Variants in TP53BP1 observed in about 807,000 individuals in gnomAD.
The protein encoded by TP53BP1 is tumor protein p53 binding protein 1.
A neutral mutation model predicts 200.8 loss-of-function variants in TP53BP1; 61 were observed. The ratio of observed to expected loss-of-function variants is 0.30; its 90% CI spans 0.25 to 0.38. The LOEUF is 0.38. Among genes scored for constraint, TP53BP1 ranks in the 10% least tolerant of loss-of-function variants. The pLI is 1.00. For synonymous variants in TP53BP1, 822 were observed against 844.3 expected (o/e 0.97, Z 0.46); for missense variants, 2,144 against 2,371.9 (o/e 0.90, Z 2.00).
chr15:43,445,393 C>T (rs549915431), intron 14 of TP53BP1, among the ~76,000 whole-genome samples: 10 of 152,290 alleles, frequency 6.6e-5, no homozygotes, highest in African/African-American at 1.9e-4. Context: ...CATATACCCT[C>T]CTAGTTCTCC....
chr15:43,468,374 G>A (rs181466546), intron 11 of TP53BP1, among the ~76,000 whole-genome samples: 113 of 152,070 alleles, frequency 7.4e-4, no homozygotes, highest in African/African-American at 2.5e-3. Flanking sequence ...GTGATACCCC[G>A]TCTCTATAAG....
Position 43,409,746 on chromosome 15 carries a change from A to G in TP53BP1, c.5306-5T>C. 1.4e-6 allele frequency: 2 copies of G among 1,432,630 alleles called. No homozygotes were observed. Among genetic ancestry groups the G allele is most frequent in the East Asian group, 2.4e-5 (1 of 41,432 alleles). The allele number at this position is 1,432,630 out of a possible 1,614,324, so 88.7% of individuals were successfully genotyped here. A position where few individuals can be genotyped will look rare whatever the true frequency, so the allele number is the denominator to read the frequency against. ...AAGGAGGAATTTCCAAAAATTCTATATTAAAAAAAAAAACCAAGATAATAA... is the reference window on the plus strand; with the variant it reads ...AAGGAGGAATTTCCAAAAATTCTATGTTAAAAAAAAAAACCAAGATAATAA... On this transcript the variant is annotated splice_polypyrimidine_tract_variant and splice_region_variant and intron_variant, in intron 24 of 27. Coordinates refer to ENST00000382044, the MANE Select transcript of TP53BP1 (RefSeq NM_001141980.3).
chr15:43,455,987 AT>A lies in TP53BP1; in HGVS notation c.2620del (p.Met874TrpfsTer7). 1 of 1,614,106 alleles carries A rather than the reference AT, an allele frequency of 6.2e-7. No homozygotes were observed. Among genetic ancestry groups the A allele is most frequent in the Non-Finnish European group, 8.5e-7 (1 of 1,180,012 alleles). On this transcript the variant is annotated frameshift_variant, in exon 12 of 28. Coordinates refer to ENST00000382044, the MANE Select transcript of TP53BP1 (RefSeq NM_001141980.3). LOFTEE classifies it high-confidence loss of function. ...TGAGCTTAGCTGCTTTGCATTAGCC[AT>A]TTTTGAGTCTTCTGTTAATGAATTA... Reference protein sequence around the residue: ...TSNSLTEDSKMANAKQLSSDA... With the variant: ...TSNSLTEDSKXANAKQLSSDA...
intron 23 of TP53BP1, 48 bp downstream of exon 23, chr15:43,415,546 C>T: frequency 6.3e-7 from 1 of 1,590,388 alleles, no homozygotes; most frequent in Non-Finnish European, 8.6e-7. Context: ...GCTGACCCTG[C>T]ATTCTGCCAT....
intron 4 of TP53BP1, among the ~76,000 whole-genome samples, chr15:43,485,165 A>T (rs1398486188): frequency 6.6e-6 from 1 of 152,094 alleles, no homozygotes; most frequent in South Asian, 2.1e-4. Flanking sequence ...CTTATTTATC[A>T]TATATTGCTA....
intron 4 of TP53BP1, among the ~76,000 whole-genome samples, chr15:43,484,090 G>A (rs1401191475): frequency 2.6e-5 from 4 of 152,150 alleles, no homozygotes; most frequent in Admixed American, 2.6e-4. Flanking sequence ...TGTTTCATAT[G>A]TTTAAAACTG....
Position 43,404,357 on chromosome 15 carries a change from C to T in TP53BP1, c.*3026G>A. The T allele has an allele frequency of 6.2e-7, 1 of 1,607,698 alleles. No homozygotes were observed. Among genetic ancestry groups the T allele is most frequent in the Non-Finnish European group, 8.5e-7 (1 of 1,176,202 alleles). Reference sequence around the variant, plus strand: ...AACTCCTCCCTCCGCCCCCATCCTCCATATGGAGAGTTGGTGAGCTGAAGT... The same window carrying T: ...AACTCCTCCCTCCGCCCCCATCCTCTATATGGAGAGTTGGTGAGCTGAAGT... On this transcript the variant is annotated 3_prime_UTR_variant, in exon 28 of 28. Transcript: ENST00000382044.
intron 3 of TP53BP1, 107 bp downstream of exon 3, chr15:43,491,895 G>A (rs1331767293): frequency 9.1e-7 from 1 of 1,102,966 alleles, no homozygotes; most frequent in Non-Finnish European, 1.4e-6. Flanking sequence ...TACCACAGTA[G>A]GCTTCCTTAC....
At chr15:43,451,671 A>G (rs750173161) in intron 12 of TP53BP1, among the ~76,000 whole-genome samples, 11 of 152,224 alleles carry the variant, frequency 7.2e-5, no homozygotes, top group Non-Finnish European at 1.6e-4. Context: ...TTATAGCAGC[A>G]TGATTTATAG....
intron 22 of TP53BP1, 114 bp downstream of exon 22, chr15:43,416,111 C>G (rs1240051272): frequency 1.3e-5 from 13 of 997,620 alleles, no homozygotes; most frequent in Non-Finnish European, 1.9e-5. Context: ...ATCTGAGAAG[C>G]CACACATAGG....
At chr15:43,492,555 A>C (rs1352948780) in intron 1 of TP53BP1, 87 bp from the exon 2 acceptor site, 2 of 1,093,664 alleles carry the variant, frequency 1.8e-6, no homozygotes, top group Non-Finnish European at 2.7e-6. Flanking sequence ...GCGGAAGTAC[A>C]AGAGCTGGGA....
Position 43,469,979 on chromosome 15 carries a change from T to C in TP53BP1, c.1268A>G (p.Glu423Gly). Reference sequence around the variant, plus strand: ...GGACTCAGGCAGGAGAGGGGGGTTTTCTAACTCCACTGGTTCACCACTTTG... The same window carrying C: ...GGACTCAGGCAGGAGAGGGGGGTTTCCTAACTCCACTGGTTCACCACTTTG... Reference protein sequence around the residue: ...KLQSGEPVELENPPLLPESTV... With the variant: ...KLQSGEPVELGNPPLLPESTV... The change falls in exon 11 of 28, where the codon GAA (glutamate) becomes GGA (glycine). Residue 423 changes from glutamate to glycine, a missense_variant. Around this residue, in one of 4 missense-constraint regions of TP53BP1, gnomAD observed 1,700 missense variants for 1,710.3 expected, o/e 0.99. Coordinates refer to ENST00000382044, the MANE Select transcript of TP53BP1 (RefSeq NM_001141980.3). 1.2e-6 allele frequency: 2 copies of C among 1,613,990 alleles called. No homozygotes were observed. Among genetic ancestry groups the C allele is most frequent in the African/African-American group, 1.3e-5 (1 of 75,040 alleles).
rs2078951309 is a variant in TP53BP1 at position 43,480,635 on chromosome 15, A to G, written c.499+260T>C. On this transcript the variant is annotated intron_variant, in intron 5 of 27. Transcript: ENST00000382044. ...ACTGTACTTACACCCCACAAAGTAC[A>G]CATTACAAAAATATTTGAAAAACAA... Among the ~76,000 whole-genome samples the G allele has an allele frequency of 2.0e-5, 3 of 152,334 alleles. No homozygotes were observed. The South Asian group carries it at 6.2e-4, about 32-fold the overall frequency.
chr15:43,480,779 T>A (rs2140124685), intron 5 of TP53BP1, 116 bp downstream of exon 5: 1 of 1,175,450 alleles, frequency 8.5e-7, no homozygotes, highest in East Asian at 2.4e-5. Flanking sequence ...TTAATGACTC[T>A]CAATTTAATT....
chr15:43,464,097 A>G (rs1013697610), intron 11 of TP53BP1, among the ~76,000 whole-genome samples: 4 of 152,188 alleles, frequency 2.6e-5, no homozygotes, highest in East Asian at 1.9e-4. Context: ...CCCAAAAACA[A>G]TAAGACCCAA....
chr15:43,420,804 T>C (rs2142991413), intron 20 of TP53BP1, 69 bp from the exon 21 acceptor site: 1 of 1,432,704 alleles, frequency 7.0e-7, no homozygotes, highest in Admixed American at 2.2e-5. Flanking sequence ...CTACCAATTT[T>C]TCCACTCCTT....
In TP53BP1 at chr15:43,479,979, G is replaced by A; in HGVS notation, c.538C>T (p.Leu180Phe). The A allele has an allele frequency of 1.2e-6, 2 of 1,614,122 alleles. No homozygotes were observed. Among genetic ancestry groups the A allele is most frequent in the Non-Finnish European group, 1.7e-6 (2 of 1,180,016 alleles). The change falls in exon 6 of 28, where the codon CTC (leucine) becomes TTC (phenylalanine). Residue 180 changes from leucine to phenylalanine, a missense_variant. By Grantham distance (22) the Leu-to-Phe change is conservative. Coordinates refer to ENST00000382044, the MANE Select transcript of TP53BP1 (RefSeq NM_001141980.3). ...SSQLGFGVLE[L>F]SQSQDVEENT... ...TCCTCAACATCCTGGCTCTGGGAGA[G>A]TTCCAGAACCCCAAAACCCAACTGT...
intron 25 of TP53BP1, 100 bp from the exon 26 acceptor site, chr15:43,409,196 C>T (rs2045030377): frequency 2.9e-6 from 3 of 1,034,980 alleles, no homozygotes; most frequent in African/African-American, 1.6e-5. Context: ...TGAAGACTCC[C>T]AACTACTACC....
At chr15:43,462,573 C>T (rs1197725005) in intron 11 of TP53BP1, among the ~76,000 whole-genome samples, 1 of 152,094 alleles carries the variant, frequency 6.6e-6, no homozygotes, top group African/African-American at 2.4e-5. Context: ...ACCTTGGCCT[C>T]CCAAAGCACT....
Sources: allele counts gnomAD v4.1 joint callset (sites outside exome capture counted in the v4.1 genomes callset), GRCh38; gene constraint gnomAD v4.1.1; regional missense constraint gnomAD v4.1.1; transcripts MANE v1.5; gene names NCBI Gene and HGNC (gene_info 2026-07-23, HGNC 2026-07-21).